The following CEP85L variants were observed in gnomAD, a reference collection of about 807,000 sequenced individuals.
CEP85L encodes centrosomal protein 85L.
CEP85L carries 60 observed loss-of-function variants against 100.3 expected under a neutral mutation model. The observed-to-expected ratio is 0.60, with a 90% CI of 0.49 to 0.74. The LOEUF is 0.74. CEP85L is among the 30% of genes least tolerant of loss of function. The pLI, the probability that CEP85L is intolerant of heterozygous loss-of-function variation, is 0.00. For missense variants in CEP85L, 973 were observed against 936.2 expected, an observed-to-expected ratio of 1.04 and a Z score of -0.51; for synonymous variants, 319 against 322.7, an observed-to-expected ratio of 0.99 and a Z score of 0.12.
intron 3 of CEP85L, among the ~76,000 whole-genome samples, chr6:118,526,770 C>A (rs1174551955): frequency 6.6e-6 from 1 of 152,196 alleles, no homozygotes; most frequent in Non-Finnish European, 1.5e-5. Context: ...TAAACTCCCA[C>A]CAGTGCCATA....
rs1409196580 is a variant in CEP85L at position 118,567,243 on chromosome 6, GTGTGTGTATATATATATATATA to G, written c.233-949_233-928del. 1.6e-3 allele frequency among the ~76,000 whole-genome samples: 50 copies of G among 31,358 alleles called. No homozygotes were observed. The South Asian group carries it at 0.017, about 11-fold the overall frequency. 20.6% of individuals were successfully genotyped at this position (31,358 alleles called of 152,430 possible). On this transcript the variant is annotated intron_variant, in intron 2 of 12. Transcript: ENST00000368491. ...TGTGTGTGTGTGTGTGTGTGTGTGT[GTGTGTGTATATATATATATATA>G]TATATATATATATATATATATATCC...
rs767584898 is a variant in CEP85L at position 118,565,667 on chromosome 6, T to C, written c.882A>G (p.Val294=). 1 of 1,614,188 alleles carries C rather than the reference T, an allele frequency of 6.2e-7. No homozygotes were observed. The highest frequency in any genetic ancestry group is 8.5e-7 in the Non-Finnish European group (1 of 1,180,034). ...AVGGVPIQPS[V]RTQMWLTEQL... is the part of the protein sequence containing the mutation. ...GCTCTGTAAGCCACATCTGAGTCCT[T>C]ACGGAAGGCTGAATGGGAACTCCAC... The change falls in exon 3 of 13, where the codon GTA becomes GTG. Residue 294 remains valine (V), a synonymous_variant. Coordinates refer to ENST00000368491, the MANE Select transcript of CEP85L (RefSeq NM_001042475.3).
chr6:118,478,011 G>A (rs989167184), intron 10 of CEP85L, among the ~76,000 whole-genome samples: 2 of 152,056 alleles, frequency 1.3e-5, no homozygotes, highest in Non-Finnish European at 2.9e-5. Context: ...CATTCTTTAC[G>A]TAAGTTGATG....
chr6:118,608,494 CA>C (rs879712879), intron 2 of CEP85L, among the ~76,000 whole-genome samples: 109 of 134,248 alleles, frequency 8.1e-4, no homozygotes, highest in South Asian at 7.2e-4. Context: ...GATTCCATCT[CA>C]AAAAAAAAAA....
chr6:118,651,886 C>T (rs537686802), upstream of CEP85L: 13 of 985,622 alleles, frequency 1.3e-5, no homozygotes, highest in East Asian at 1.0e-3. Context: ...TCCCTCACGC[C>T]CTCCCTCCGG....
In CEP85L at chr6:118,479,988, C is replaced by T. The variant is rs937168049; in HGVS notation, c.1864-67G>A. 7.6e-6 allele frequency: 6 copies of T among 790,990 alleles called. No individual in the cohort carries two copies. The Admixed American group carries it at 9.0e-5, about 12-fold the overall frequency. The allele number at this position is 790,990 out of a possible 1,614,324, so 49.0% of individuals were successfully genotyped here. On this transcript the variant is annotated intron_variant, in intron 9 of 12. Transcript: ENST00000368491. ...TCGCTTCTTAAAAGTACCAACATTTCAAGAAAACAGCACAGAAATTTATAA... is the reference window on the plus strand; with the variant it reads ...TCGCTTCTTAAAAGTACCAACATTTTAAGAAAACAGCACAGAAATTTATAA...
intron 3 of CEP85L, among the ~76,000 whole-genome samples, chr6:118,540,517 G>A (rs1241710255): frequency 1.3e-5 from 2 of 152,094 alleles, no homozygotes; most frequent in African/African-American, 2.4e-5. Flanking sequence ...AGCACTTTGG[G>A]AGGCCAAGGC....
At chr6:118,668,929 T>C (rs980774908) in intron 1 of CEP85L, among the ~76,000 whole-genome samples, 11 of 152,182 alleles carry the variant, frequency 7.2e-5, no homozygotes, top group African/African-American at 2.7e-4. Context: ...CCTACATTCC[T>C]CCAAGATAAT....
At position 118,566,169 on chromosome 6, in the gene CEP85L, G is replaced by A. The variant is rs770043502; in HGVS notation, c.380C>T (p.Thr127Ile). ...GTTTCCCAATGTTTGCATGAGGCTTGTACTCCATTTTGAGCCATCTGGTGT... is the reference window on the plus strand; with the variant it reads ...GTTTCCCAATGTTTGCATGAGGCTTATACTCCATTTTGAGCCATCTGGTGT... ...SLTPDGSKWS[T>I]SLMQTLGNHS... Residue 127 changes from threonine to isoleucine, a missense_variant, in exon 3 of 13, where the codon ACA becomes ATA. Transcript: ENST00000368491. The A allele has an allele frequency of 1.2e-6, 2 of 1,614,144 alleles. No individual in the cohort carries two copies. The highest frequency in any genetic ancestry group is 1.1e-5 in the South Asian group (1 of 91,088).
At chr6:118,514,523 T>TG (rs1259472810) in intron 4 of CEP85L, among the ~76,000 whole-genome samples, 1 of 36,446 alleles carries the variant, frequency 2.7e-5, no homozygotes, top group Non-Finnish European at 6.0e-5. Flanking sequence ...AGACACTGTC[T>TG]CAAAAAAAAA....
At chr6:118,527,067 G>A (rs1406877449) in intron 3 of CEP85L, among the ~76,000 whole-genome samples, 1 of 141,826 alleles carries the variant, frequency 7.1e-6, no homozygotes, top group African/African-American at 2.6e-5. Context: ...CCAGGCTGGA[G>A]TGCGATGGCG....
At chr6:118,658,972 G>A (rs2115402692) in intron 1 of CEP85L, among the ~76,000 whole-genome samples, 1 of 152,084 alleles carries the variant, frequency 6.6e-6, no homozygotes, top group East Asian at 1.9e-4. Context: ...GTTATTTTGG[G>A]GGAATCTATT....
At chr6:118,538,684 G>A (rs1777738687) in intron 3 of CEP85L, among the ~76,000 whole-genome samples, 1 of 118,828 alleles carries the variant, frequency 8.4e-6, no homozygotes, top group Middle Eastern at 4.7e-3. Flanking sequence ...ATCCAAGACA[G>A]ACAGTAACTT....
chr6:118,540,754 T>TTAAATAAA (rs72219779), intron 3 of CEP85L, among the ~76,000 whole-genome samples: 323 of 147,720 alleles, frequency 2.2e-3, no homozygotes, highest in Middle Eastern at 7.0e-3. Flanking sequence ...AGACCCCATC[T>TTAAATAAA]TAAATAAATA....
intron 3 of CEP85L, chr6:118,565,230 TTC>T (rs1583059882): frequency 2.9e-6 from 1 of 341,920 alleles, no homozygotes; most frequent in Admixed American, 4.6e-5. Flanking sequence ...GCTTTTTTGT[TTC>T]TGTTTCCAAG....
In CEP85L at chr6:118,566,104, C is replaced by A. The variant is rs1779486553; in HGVS notation, c.445G>T (p.Asp149Tyr). The change falls in exon 3 of 13, where the codon GAC becomes TAC. Residue 149 changes from aspartate (D) to tyrosine (Y), a missense_variant. Coordinates refer to ENST00000368491, the MANE Select transcript of CEP85L (RefSeq NM_001042475.3). ...GEQDSSLDMK[D>Y]FRPLRKWSSL... ...GACCATTTCCGAAGTGGCCGGAAGT[C>A]CTTCATGTCTAGGGAAGAGTCCTGC... The A allele has an allele frequency of 6.2e-7, 1 of 1,614,012 alleles. No homozygotes were observed. The highest frequency in any genetic ancestry group is 1.7e-5 in the Admixed American group (1 of 59,992).
chr6:118,660,229 G>A (rs1003507111), intron 1 of CEP85L, among the ~76,000 whole-genome samples: 12 of 152,258 alleles, frequency 7.9e-5, no homozygotes, highest in Admixed American at 7.8e-4. Flanking sequence ...TTGCCTGCAA[G>A]TATAACCTCT....
intron 5 of CEP85L, among the ~76,000 whole-genome samples, chr6:118,508,674 T>C (rs1164502350): frequency 6.6e-6 from 1 of 152,136 alleles, no homozygotes; most frequent in African/African-American, 2.4e-5. Flanking sequence ...ATGTTTTCCA[T>C]CTATAAATTC....
In CEP85L at chr6:118,632,593, G is replaced by A; in HGVS notation, c.92C>T (p.Ala31Val). 1.9e-6 allele frequency: 3 copies of A among 1,610,748 alleles called. No individual in the cohort carries two copies. In the South Asian group the frequency reaches 3.3e-5, roughly 18 times the overall value. The stretch of plus-strand genomic sequence containing the variant: ...CAATGATTCATTAGCAGGTAGCCAT[G>A]CTGATGAATAATCTGGGCCTAAAAA... ...SFPAGPDYSS[A>V]WLPANESLWQ... The change falls in exon 2 of 13, where the codon GCA (alanine) becomes GTA (valine). Residue 31 changes from alanine (A) to valine (V), a missense_variant. Physicochemically the swap from Ala to Val is moderately conservative, Grantham distance 64. Transcript: ENST00000368491.
Sources: allele counts gnomAD v4.1 joint callset (sites outside exome capture counted in the v4.1 genomes callset), GRCh38; gene constraint gnomAD v4.1.1; transcripts MANE v1.5; gene names NCBI Gene and HGNC (gene_info 2026-07-23, HGNC 2026-07-21).